ARMC9: variants seen among roughly 807,000 people sequenced by gnomAD.
ARMC9 encodes the protein armadillo repeat containing 9.
A neutral mutation model predicts 107.0 loss-of-function variants in ARMC9; 94 were observed. The observed-to-expected ratio is 0.88, with a 90% confidence interval of 0.74 to 1.04. ARMC9 has a LOEUF of 1.04. ARMC9 is among the 50% of genes least tolerant of loss of function. ARMC9 has a pLI of 0.00. For synonymous variants in ARMC9, 380 were observed against 396.9 expected, an observed-to-expected ratio of 0.96 and a Z score of 0.51; for missense variants, 942 against 1,030.1, an observed-to-expected ratio of 0.91 and a Z score of 1.17.
chr2:231,234,247 A>G (rs1423937037), intron 7 of ARMC9, among the ~76,000 whole-genome samples: 1 of 152,212 alleles, frequency 6.6e-6, no homozygotes, highest in Non-Finnish European at 1.5e-5. Flanking sequence ...AAGAAGTGCC[A>G]ACACCGATGA....
At chr2:231,232,671 G>A (rs983033570) in intron 7 of ARMC9, among the ~76,000 whole-genome samples, 31 of 151,378 alleles carry the variant, frequency 2.0e-4, no homozygotes, top group South Asian at 2.1e-4. Flanking sequence ...GACTGGTCTT[G>A]AACTGCTGAC....
chr2:231,211,209 C>T (rs758536694), intron 3 of ARMC9, among the ~76,000 whole-genome samples: 10 of 151,930 alleles, frequency 6.6e-5, no homozygotes, highest in Non-Finnish European at 1.3e-4. Context: ...GTTGCTTCCA[C>T]CTCTTGGCTA....
At chr2:231,279,700 C>T (rs2040057338) in intron 16 of ARMC9, among the ~76,000 whole-genome samples, 1 of 151,686 alleles carries the variant, frequency 6.6e-6, no homozygotes, top group South Asian at 2.1e-4. Context: ...TTAGTAGAGA[C>T]GGTGTTTCAC....
chr2:231,307,317 C>T (rs1358491817), intron 19 of ARMC9, among the ~76,000 whole-genome samples: 1 of 152,158 alleles, frequency 6.6e-6, no homozygotes, highest in African/African-American at 2.4e-5. Flanking sequence ...AGGGGCTTTC[C>T]CTACTTGTCT....
At chr2:231,344,390 G>A (rs1487534181) in intron 20 of ARMC9, among the ~76,000 whole-genome samples, 2 of 152,130 alleles carry the variant, frequency 1.3e-5, no homozygotes, top group African/African-American at 4.8e-5. Flanking sequence ...AGTAAAGTTG[G>A]TCTTTTTTGT....
rs1041323431 is a variant in ARMC9, at chr2:231,376,031, A to G, written c.*4496A>G. On this transcript the variant is annotated 3_prime_UTR_variant, in exon 25 of 25. Transcript: ENST00000611582. Reference sequence around the variant, plus strand: ...CAGTCTCTAAACATAAGTTGTGAATATTTCATGGACACTTATCACTTCCCC... The same window carrying G: ...CAGTCTCTAAACATAAGTTGTGAATGTTTCATGGACACTTATCACTTCCCC... Among the ~76,000 whole-genome samples, 14 of 152,176 alleles carry G rather than the reference A, an allele frequency of 9.2e-5. No homozygotes were observed. Among genetic ancestry groups the G allele is most frequent in the Non-Finnish European group, 1.6e-4 (11 of 68,030 alleles).
At chr2:231,212,888 A>G (rs2033064271) in intron 3 of ARMC9, among the ~76,000 whole-genome samples, 1 of 152,212 alleles carries the variant, frequency 6.6e-6, no homozygotes, top group Non-Finnish European at 1.5e-5. Context: ...TATTTGAAAA[A>G]TTCTGAGTTT....
chr2:231,321,789 T>A (rs1278843965), intron 19 of ARMC9, among the ~76,000 whole-genome samples: 3 of 152,152 alleles, frequency 2.0e-5, no homozygotes, highest in Non-Finnish European at 4.4e-5. Flanking sequence ...GTGGTACTGC[T>A]GGGGCACTGG....
At chr2:231,356,058 C>A in intron 22 of ARMC9, 124 bp downstream of exon 22, 1 of 1,269,642 alleles carries the variant, frequency 7.9e-7, no homozygotes, top group Non-Finnish European at 1.1e-6. Flanking sequence ...TCAGCAACAG[C>A]CCCGTGTCAC....
At position 231,276,617 on chromosome 2, in the gene ARMC9, G is replaced by A. The variant is rs750006395; in HGVS notation, c.1335-19G>A. On this transcript the variant is annotated intron_variant, in intron 14 of 24. Coordinates refer to ENST00000611582, the MANE Select transcript of ARMC9 (RefSeq NM_001352754.2). Reference sequence around the variant, plus strand: ...AGTTTCTTGGCAGTTTGTATTTACCGTAGGCTCTTTCTTCCCAGGCGCCCG... The same window carrying A: ...AGTTTCTTGGCAGTTTGTATTTACCATAGGCTCTTTCTTCCCAGGCGCCCG... 8.7e-6 allele frequency: 14 copies of A among 1,613,714 alleles called. No homozygotes were observed. Among genetic ancestry groups the A allele is most frequent in the Middle Eastern group, 1.6e-4 (1 of 6,080 alleles).
At chr2:231,329,952 C>T (rs2043610147) in intron 19 of ARMC9, among the ~76,000 whole-genome samples, 1 of 152,106 alleles carries the variant, frequency 6.6e-6, no homozygotes, top group Non-Finnish European at 1.5e-5. Flanking sequence ...CTTGCCTTGT[C>T]AGGACTCCTT....
In ARMC9 at chr2:231,259,140, A is replaced by G; in HGVS notation, c.1026+38A>G. The G allele has an allele frequency of 2.6e-6, 4 of 1,527,992 alleles. No homozygotes were observed. In the South Asian group the frequency reaches 3.4e-5, roughly 13 times the overall value. The allele number at this position is 1,527,992 out of a possible 1,614,324, so 94.7% of individuals were successfully genotyped here. ...GTCTTAAAGTTAGAAAACAAAACCA[A>G]ACCAGTGCTGGTTTTCTTGGCTGGC... On this transcript the variant is annotated intron_variant, in intron 11 of 24. Coordinates refer to ENST00000611582, the MANE Select transcript of ARMC9 (RefSeq NM_001352754.2).
In ARMC9 at chr2:231,235,303, C is replaced by G. The variant is rs148694421; in HGVS notation, c.702C>G (p.Ile234Met). 2.4e-5 allele frequency: 39 copies of G among 1,614,246 alleles called. No individual in the cohort carries two copies. The African/African-American group carries it at 4.1e-4, about 17-fold the overall frequency. ...CATACCTCAAACGGTACAATAAGATCCAGGCCGACTACCACAATCTCATTG... is the reference window on the plus strand; with the variant it reads ...CATACCTCAAACGGTACAATAAGATGCAGGCCGACTACCACAATCTCATTG... ...SVTYLKRYNK[I>M]QADYHNLIGV... The change falls in exon 8 of 25, where the codon ATC (isoleucine) becomes ATG (methionine). Residue 234 changes from isoleucine (I) to methionine (M), a missense_variant. Ile to Met is a conservative substitution (Grantham distance 10). Transcript: ENST00000611582.
At chr2:231,265,506 A>G (rs1352490786) in intron 12 of ARMC9, among the ~76,000 whole-genome samples, 1 of 152,328 alleles carries the variant, frequency 6.6e-6, no homozygotes, top group South Asian at 2.1e-4. Context: ...GGAAAATCAA[A>G]TATCATATGT....
chr2:231,285,570 CA>C (rs2040529421), intron 17 of ARMC9, among the ~76,000 whole-genome samples: 1 of 151,574 alleles, frequency 6.6e-6, no homozygotes, highest in Admixed American at 6.6e-5. Flanking sequence ...CGCTTGAACC[CA>C]GGAGACAGAG....
intron 18 of ARMC9, 129 bp downstream of exon 18, chr2:231,291,572 C>G: frequency 1.2e-6 from 1 of 829,546 alleles, no homozygotes; most frequent in South Asian, 1.5e-5. Context: ...AATCCCAGCA[C>G]TTTGGGAGGC....
chr2:231,226,347 A>G (rs1025903493), intron 6 of ARMC9, among the ~76,000 whole-genome samples: 2 of 152,206 alleles, frequency 1.3e-5, no homozygotes, highest in Non-Finnish European at 1.5e-5. Context: ...TGGTCTTAGC[A>G]ATACTGTGCT....
At chr2:231,369,546 G>A (rs1046678981) in intron 23 of ARMC9, among the ~76,000 whole-genome samples, 1 of 151,298 alleles carries the variant, frequency 6.6e-6, no homozygotes, top group Non-Finnish European at 1.5e-5. Flanking sequence ...CGCCCGCCTC[G>A]GCCTCCCAAA....
rs982117258 is a variant in ARMC9 at position 231,362,553 on chromosome 2, G to C, written c.2261+1670G>C. Among the ~76,000 whole-genome samples, 30 of 151,886 alleles carry C rather than the reference G, an allele frequency of 2.0e-4. No homozygotes were observed. Reference sequence around the variant, plus strand: ...TTCTACTGAGCACAAAGACCCCTCAGGGTCCAACCCAGAGGTGCCCTCCCC... The same window carrying C: ...TTCTACTGAGCACAAAGACCCCTCACGGTCCAACCCAGAGGTGCCCTCCCC... On this transcript the variant is annotated intron_variant, in intron 23 of 24. Coordinates refer to ENST00000611582, the MANE Select transcript of ARMC9 (RefSeq NM_001352754.2). The surrounding 1 kb of genome is among the most constrained non-coding windows in gnomAD (Gnocchi z 4.7).
Sources: gnomAD v4.1 joint callset for allele counts (sites outside exome capture counted in the v4.1 genomes callset) on GRCh38, gnomAD v4.1.1 for gene constraint, Gnocchi (gnomAD v3.1) non-coding constraint, MANE v1.5 for transcripts, NCBI Gene and HGNC (gene_info 2026-07-23, HGNC 2026-07-21) for gene names.